The following AMMECR1 variants were observed in gnomAD, a reference collection of about 807,000 sequenced individuals.
AMMECR1 encodes the protein nuclear protein AMMECR1.
A neutral mutation model predicts 22.5 loss-of-function variants in AMMECR1; 3 were observed. The ratio of observed to expected loss-of-function variants is 0.13; its 90% CI spans 0.06 to 0.35. The LOEUF is 0.35. Among genes scored for constraint, AMMECR1 ranks in the 10% least tolerant of loss-of-function variants. AMMECR1 has a pLI of 1.00. For synonymous variants in AMMECR1, 130 were observed against 116.7 expected, an observed-to-expected ratio of 1.11 and a Z score of -0.74; for missense variants, 235 against 278.7, an observed-to-expected ratio of 0.84 and a Z score of 1.12.
At chrX:110,326,156 A>T (rs12844940) in intron 2 of AMMECR1, among the ~76,000 whole-genome samples, 28,553 of 109,049 alleles carry the variant, frequency 0.26, 3,846 homozygotes, top group East Asian at 0.93. Flanking sequence ...CGCCTGGCTA[A>T]TTTTTTTGTA....
At chrX:110,297,237 C>T (rs964721556) in intron 1 of AMMECR1, among the ~76,000 whole-genome samples, 4 of 112,095 alleles carry the variant, frequency 3.6e-5, no homozygotes, top group Non-Finnish European at 7.5e-5. Context: ...CTGCCTTAGC[C>T]TTCACTTCCT....
Position 110,317,835 on chromosome X carries a change from G to A in AMMECR1, c.237C>T (p.Gly79=). Residue 79 remains glycine, a synonymous_variant, in exon 1 of 6, where the codon GGC becomes GGT. Coordinates refer to ENST00000262844, the MANE Select transcript of AMMECR1 (RefSeq NM_015365.3). ...TLSPPQGCGG[G]GGGIALSPPP... is the part of the protein sequence containing the mutation. ...GTGGCGACAGGGCGATCCCCCCGCC[G>A]CCGCCGCCGCAGCCCTGGGGGGGAG... 1 of 1,157,390 alleles carries A rather than the reference G, an allele frequency of 8.6e-7. No homozygotes were observed. Among genetic ancestry groups the A allele is most frequent in the Non-Finnish European group, 1.2e-6 (1 of 868,588 alleles).
Position 110,252,900 on chromosome X carries a change from G to A in AMMECR1, c.584+11589C>T, listed in dbSNP as rs544479508. 5.6e-4 allele frequency among the ~76,000 whole-genome samples: 63 copies of A among 112,241 alleles called. No individual in the cohort carries two copies. In the Middle Eastern group the frequency reaches 0.014, roughly 25 times the overall value. Reference sequence around the variant, plus strand: ...GAGAAAAATGAAGCAGGGTAAACGGGCAGGGAGAGCCAGATATCAAATGTA... The same window carrying A: ...GAGAAAAATGAAGCAGGGTAAACGGACAGGGAGAGCCAGATATCAAATGTA... On this transcript the variant is annotated intron_variant, in intron 2 of 5. Transcript: ENST00000262844.
chrX:110,431,148 T>A (rs2068793205), intron 1 of AMMECR1, among the ~76,000 whole-genome samples: 2 of 111,924 alleles, frequency 1.8e-5, no homozygotes, highest in Admixed American at 1.9e-4. Flanking sequence ...CAGGAAATAA[T>A]TTGTGAACTC....
At chrX:110,302,777 G>A (rs2067974016) in intron 1 of AMMECR1, among the ~76,000 whole-genome samples, 1 of 110,847 alleles carries the variant, frequency 9.0e-6, no homozygotes, top group African/African-American at 3.3e-5. Context: ...GGGAGGCTGA[G>A]GCAGGAGAAT....
chrX:110,261,558 T>C (rs1443890783), intron 2 of AMMECR1, among the ~76,000 whole-genome samples: 2 of 111,537 alleles, frequency 1.8e-5, no homozygotes, highest in East Asian at 5.6e-4. Flanking sequence ...TACAATTTCC[T>C]ATCCTACAGT....
At position 110,240,658 on chromosome X, in the gene AMMECR1, T is replaced by C. The variant is rs5985451; in HGVS notation, c.584+23831A>G. Among the ~76,000 whole-genome samples the C allele has an allele frequency of 1.9e-3, 211 of 109,230 alleles. 1 individual carries two copies. The highest frequency in any genetic ancestry group is 6.5e-3 in the African/African-American group (195 of 30,092). The allele number at this position is 109,230 out of a possible 115,157, so 94.9% of individuals were successfully genotyped here. ...AGACTTTAACACCTCACTGTCAATA[T>C]TGGATCAACAAGACAGAAAATTAAC... On this transcript the variant is annotated intron_variant, in intron 2 of 5. Coordinates refer to ENST00000262844, the MANE Select transcript of AMMECR1 (RefSeq NM_015365.3).
intron 2 of AMMECR1, among the ~76,000 whole-genome samples, chrX:110,256,325 G>A (rs2067710846): frequency 9.0e-6 from 1 of 111,699 alleles, no homozygotes; most frequent in Admixed American, 9.5e-5. Context: ...GTCCACTGTT[G>A]ACCAAAACGT....
chrX:110,236,858 C>T (rs1317643905), intron 2 of AMMECR1, among the ~76,000 whole-genome samples: 1 of 112,081 alleles, frequency 8.9e-6, no homozygotes, highest in Admixed American at 9.5e-5. Context: ...AAGGTGTTAA[C>T]TGTTCTTTTT....
intron 2 of AMMECR1, among the ~76,000 whole-genome samples, chrX:110,235,725 A>G (rs2067596872): frequency 8.9e-6 from 1 of 111,892 alleles, no homozygotes; most frequent in African/African-American, 3.3e-5. Flanking sequence ...AGGAAACCAA[A>G]CACCACATGT....
chrX:110,375,630 T>A (rs2068371321), intron 2 of AMMECR1, among the ~76,000 whole-genome samples: 1 of 111,813 alleles, frequency 8.9e-6, no homozygotes, highest in African/African-American at 3.3e-5. Context: ...TCAAATGAAA[T>A]CAGGGATGGG....
intron 2 of AMMECR1, among the ~76,000 whole-genome samples, chrX:110,332,906 T>C (rs928731847): frequency 9.0e-6 from 1 of 111,425 alleles, no homozygotes; most frequent in Non-Finnish European, 1.9e-5. Flanking sequence ...TTTAGTGTGC[T>C]AAAGAAGATA....
At chrX:110,233,957 T>C (rs1330463938) in intron 2 of AMMECR1, among the ~76,000 whole-genome samples, 7 of 111,966 alleles carry the variant, frequency 6.3e-5, no homozygotes, top group African/African-American at 1.6e-4. Context: ...CTATTCAACA[T>C]AGTGTTGGAA....
Position 110,242,430 on chromosome X carries a change from C to T in AMMECR1, c.584+22059G>A, listed in dbSNP as rs191857416. On this transcript the variant is annotated intron_variant, in intron 2 of 5. Transcript: ENST00000262844. The stretch of plus-strand genomic sequence containing the variant: ...AAGTGAAATGCTAGCCAGTAAGTTT[C>T]GTATGGGAAAAAAATCTCCAAAATA... Among the ~76,000 whole-genome samples the T allele has an allele frequency of 5.9e-3, 653 of 111,329 alleles. 2 individuals are homozygous for T. The highest frequency in any genetic ancestry group is 0.02 in the African/African-American group (603 of 30,645).
intron 2 of AMMECR1, among the ~76,000 whole-genome samples, chrX:110,235,538 C>A (rs946134315): frequency 3.6e-5 from 4 of 112,204 alleles, no homozygotes; most frequent in African/African-American, 9.7e-5. Flanking sequence ...GCACTATTCA[C>A]AATAGCAAAG....
upstream of AMMECR1, among the ~76,000 whole-genome samples, chrX:110,318,598 A>G (rs952730716): frequency 9.0e-6 from 1 of 111,025 alleles, no homozygotes; most frequent in Non-Finnish European, 1.9e-5. Flanking sequence ...AAGCCCAGTT[A>G]CGTGGAACCT....
At chrX:110,312,523 G>A (rs1162472079) in intron 1 of AMMECR1, among the ~76,000 whole-genome samples, 1 of 112,019 alleles carries the variant, frequency 8.9e-6, no homozygotes, top group Non-Finnish European at 1.9e-5. Context: ...GAAAAATTAT[G>A]GGCTAAATTA....
chrX:110,382,328 A>G (rs1032860292), intron 2 of AMMECR1, among the ~76,000 whole-genome samples: 5 of 107,068 alleles, frequency 4.7e-5, no homozygotes, highest in African/African-American at 1.7e-4. Flanking sequence ...TTGTACAGGA[A>G]AAAAAAAACC....
At chrX:110,398,867 C>T (rs1278355809) in intron 2 of AMMECR1, among the ~76,000 whole-genome samples, 5 of 111,838 alleles carry the variant, frequency 4.5e-5, no homozygotes, top group Non-Finnish European at 7.5e-5. Flanking sequence ...TTTCATTTGC[C>T]GACTTTAATT....
Sources: allele counts gnomAD v4.1 joint callset (sites outside exome capture counted in the v4.1 genomes callset), GRCh38; gene constraint gnomAD v4.1.1; transcripts MANE v1.5; gene names NCBI Gene and HGNC (gene_info 2026-07-23, HGNC 2026-07-21).